The following ASIC2 variants were observed in gnomAD, a reference collection of about 807,000 sequenced individuals.
The protein encoded by ASIC2 is acid sensing ion channel subunit 2.
A neutral mutation model predicts 57.3 loss-of-function variants in ASIC2; 25 were observed. The ratio of observed to expected loss-of-function variants is 0.44; its 90% CI spans 0.32 to 0.61. ASIC2 has a LOEUF of 0.61. ASIC2 is among the 20% of genes least tolerant of loss of function. The pLI is 0.06. For missense variants in ASIC2, 641 were observed against 738.1 expected (o/e 0.87, Z 1.52); for synonymous variants, 319 against 307.5 (o/e 1.04, Z -0.39).
At chr17:33,932,530 A>G (rs1915952452) in intron 1 of ASIC2, 1 of 151,332 alleles carries the variant, frequency 6.6e-6, no homozygotes, top group Admixed American at 6.6e-5. Flanking sequence ...CCTGACCAAC[A>G]TGGAGAAACC....
chr17:33,177,424 G>C (rs1036294238), intron 1 of ASIC2, among the ~76,000 whole-genome samples: 3 of 152,210 alleles, frequency 2.0e-5, no homozygotes, highest in African/African-American at 7.2e-5. Context: ...AAGGAAGGCA[G>C]AAAAATGGTC....
At chr17:33,429,591 T>C (rs1911338557) in intron 1 of ASIC2, among the ~76,000 whole-genome samples, 1 of 151,956 alleles carries the variant, frequency 6.6e-6, no homozygotes, top group African/African-American at 2.4e-5. Context: ...GGGGTTTCAC[T>C]GTGTTAGCCA....
At chr17:33,266,206 G>A (rs1049870313) in intron 1 of ASIC2, among the ~76,000 whole-genome samples, 10 of 152,164 alleles carry the variant, frequency 6.6e-5, no homozygotes, top group African/African-American at 2.2e-4. Flanking sequence ...ACCCCTGTTT[G>A]AGTTCTGTAT....
intron 1 of ASIC2, among the ~76,000 whole-genome samples, chr17:33,713,739 C>T (rs1459166215): frequency 6.6e-6 from 1 of 152,224 alleles, no homozygotes; most frequent in Non-Finnish European, 1.5e-5. Flanking sequence ...CAAATCAGTG[C>T]AGGTTTAGGA....
chr17:33,346,889 A>G (rs1907969588), intron 1 of ASIC2, among the ~76,000 whole-genome samples: 1 of 152,218 alleles, frequency 6.6e-6, no homozygotes, highest in Admixed American at 6.5e-5. Flanking sequence ...ACCAAAGCCT[A>G]GAGCGGAAAG....
At chr17:33,178,217 T>C (rs1905837432) in intron 1 of ASIC2, among the ~76,000 whole-genome samples, 1 of 152,158 alleles carries the variant, frequency 6.6e-6, no homozygotes, top group African/African-American at 2.4e-5. Flanking sequence ...AGCCACTCCA[T>C]GATGTGTATA....
intron 3 of ASIC2, among the ~76,000 whole-genome samples, chr17:33,087,761 G>A (rs537885162): frequency 5.3e-5 from 8 of 150,296 alleles, no homozygotes; most frequent in Non-Finnish European, 1.2e-4. Flanking sequence ...GTCTCATAAT[G>A]TTGCCCAGGC....
chr17:34,030,913 T>C (rs1230157932), intron 1 of ASIC2, among the ~76,000 whole-genome samples: 1 of 152,252 alleles, frequency 6.6e-6, no homozygotes, highest in Non-Finnish European at 1.5e-5. Flanking sequence ...CCTGCCTGCC[T>C]CTGTAGGCTC....
intron 1 of ASIC2, among the ~76,000 whole-genome samples, chr17:33,368,913 G>A (rs1908931493): frequency 1.3e-5 from 2 of 152,166 alleles, no homozygotes; most frequent in Admixed American, 1.3e-4. Flanking sequence ...GGCTGGGGAA[G>A]GCAATGTCCT....
chr17:33,147,691 C>A (rs1388933551), intron 1 of ASIC2, among the ~76,000 whole-genome samples: 2 of 152,128 alleles, frequency 1.3e-5, no homozygotes, highest in Admixed American at 6.6e-5. Flanking sequence ...GCAAAAATGA[C>A]CCCACACTAC....
intron 1 of ASIC2, among the ~76,000 whole-genome samples, chr17:33,341,515 A>G (rs1028809208): frequency 6.6e-6 from 1 of 152,210 alleles, no homozygotes; most frequent in African/African-American, 2.4e-5. Context: ...CTACAATGCT[A>G]GAGTTGAGTG....
At chr17:33,466,508 A>G (rs1912869481) in intron 1 of ASIC2, among the ~76,000 whole-genome samples, 1 of 152,202 alleles carries the variant, frequency 6.6e-6, no homozygotes, top group Admixed American at 6.5e-5. Context: ...TCAAGTTCAT[A>G]TGGAACCAAA....
rs1270638843 is a variant in ASIC2 at position 33,856,591 on chromosome 17, T to C, written c.555+299387A>G. Among the ~76,000 whole-genome samples, 7 of 19,554 alleles carry C rather than the reference T, an allele frequency of 3.6e-4. No homozygotes were observed. The East Asian group carries it at 0.013, about 36-fold the overall frequency. The allele number at this position is 19,554 out of a possible 152,430, so 12.8% of individuals were successfully genotyped here. ...GGTGGTGCTGTTGGCTGTAGTATCC[T>C]AACAGGAAGCAGCTCAGAGGAAGCA... On this transcript the variant is annotated intron_variant, in intron 1 of 9. Transcript: ENST00000359872.
intron 3 of ASIC2, among the ~76,000 whole-genome samples, chr17:33,077,235 G>GAGT (rs1054341612): frequency 1.3e-5 from 2 of 152,026 alleles, no homozygotes; most frequent in African/African-American, 4.8e-5. Flanking sequence ...TAAGAACTCT[G>GAGT]AGTACTATTT....
chr17:33,418,122 T>C (rs1232198321), intron 1 of ASIC2, among the ~76,000 whole-genome samples: 1 of 150,282 alleles, frequency 6.7e-6, no homozygotes, highest in Non-Finnish European at 1.5e-5. Context: ...AAGGACTCAT[T>C]CAGCTGTGAA....
intron 1 of ASIC2, among the ~76,000 whole-genome samples, chr17:33,940,915 G>A (rs1916176870): frequency 6.6e-6 from 1 of 152,362 alleles, no homozygotes; most frequent in South Asian, 2.1e-4. Flanking sequence ...CAGGGCAGCT[G>A]TAGCCCAGAC....
At chr17:33,238,763 C>T (rs1039587762) in intron 1 of ASIC2, among the ~76,000 whole-genome samples, 4 of 152,134 alleles carry the variant, frequency 2.6e-5, no homozygotes, top group African/African-American at 4.8e-5. Context: ...CGGCCGGGAG[C>T]GGTAGCTCAT....
chr17:33,308,084 A>T (rs1027413841), intron 1 of ASIC2, among the ~76,000 whole-genome samples: 5 of 152,210 alleles, frequency 3.3e-5, no homozygotes, highest in African/African-American at 1.2e-4. Flanking sequence ...AAATACCTCA[A>T]ACAGTGCCTG....
At chr17:33,645,675 G>A (rs777459740) in intron 1 of ASIC2, among the ~76,000 whole-genome samples, 1 of 152,082 alleles carries the variant, frequency 6.6e-6, no homozygotes, top group Non-Finnish European at 1.5e-5. Context: ...TCTGACCTTT[G>A]CAGGCCAAAG....
Sources: allele counts gnomAD v4.1 joint callset (sites outside exome capture counted in the v4.1 genomes callset), GRCh38; gene constraint gnomAD v4.1.1; transcripts MANE v1.5; gene names NCBI Gene and HGNC (gene_info 2026-07-23, HGNC 2026-07-21).